Variants in PDIA2 observed in about 807,000 individuals in gnomAD.
PDIA2 encodes protein disulfide-isomerase A2.
A neutral mutation model predicts 51.1 loss-of-function variants in PDIA2; 76 were observed. The ratio of observed to expected loss-of-function variants is 1.49; its 90% CI spans 1.24 to 1.80. PDIA2 has a LOEUF of 1.80. Among genes scored for constraint, PDIA2 ranks in the 40% most tolerant of loss-of-function variants. The pLI is 0.00. For missense variants in PDIA2, 946 were observed against 706.5 expected (o/e 1.34, Z -3.84); for synonymous variants, 429 against 309.9 (o/e 1.38, Z -4.04).
chr16:283,752 G>A (rs546077957), intron 1 of PDIA2, among the ~76,000 whole-genome samples: 26 of 152,360 alleles, frequency 1.7e-4, no homozygotes, highest in African/African-American at 6.0e-4. Flanking sequence ...GTGCCCTGTG[G>A]TCTTTTCGCA....
At chr16:283,728 G>A (rs971548516) in intron 1 of PDIA2, among the ~76,000 whole-genome samples, 9 of 152,248 alleles carry the variant, frequency 5.9e-5, no homozygotes, top group South Asian at 2.1e-4. Context: ...GGCCCATGGA[G>A]GTCCCTGACG....
chr16:285,855 C>T, intron 7 of PDIA2, 152 bp downstream of exon 7: 1 of 904,430 alleles, frequency 1.1e-6, no homozygotes, highest in Non-Finnish European at 1.6e-6. Context: ...CCCGGCGGTT[C>T]TCCCAACCCC....
chr16:284,024 C>A, intron 1 of PDIA2: 1 of 328,768 alleles, frequency 3.0e-6, no homozygotes, highest in East Asian at 7.1e-5. Context: ...GCAACCAATC[C>A]CGGCTAATAT....
intron 1 of PDIA2, 98 bp downstream of exon 1, chr16:283,466 A>C: frequency 7.8e-7 from 1 of 1,280,928 alleles, no homozygotes; most frequent in Non-Finnish European, 1.0e-6. Flanking sequence ...GCATGTGCCC[A>C]AGAGGGGCCT....
In PDIA2 at chr16:284,120, T is replaced by G. The variant is rs1025490372; in HGVS notation, c.200-267T>G. 2.9e-4 allele frequency: 159 copies of G among 542,370 alleles called. 1 individual carries two copies. In the Middle Eastern group the frequency reaches 3.0e-3, roughly 10 times the overall value. 33.6% of individuals were successfully genotyped at this position (542,370 alleles called of 1,614,324 possible). ...CAACCTCAGGTGATATGCCCGCCTC[T>G]GCCTCCCAAAGTGCTGGGATTACTG... On this transcript the variant is annotated intron_variant, in intron 1 of 10. Transcript: ENST00000219406.
At position 286,907 on chromosome 16, in the gene PDIA2, A is replaced by C. The variant is rs370277985; in HGVS notation, c.1495A>C (p.Thr499Pro). The change falls in exon 10 of 11, where the codon ACG becomes CCG. Residue 499 changes from threonine to proline, a missense_variant. Thr to Pro is a conservative substitution (Grantham distance 38, BLOSUM62 -1). Transcript: ENST00000219406. ...KFLDNGGVLP[T>P]EEPPEEPAAP... ...CCTGGACAACGGGGGCGTGCTGCCC[A>C]CGGAGGAGCCCCCGGAGGAGCCAGC... The C allele has an allele frequency of 6.2e-6, 10 of 1,602,052 alleles. 1 individual carries two copies. The highest frequency in any genetic ancestry group is 4.0e-5 in the African/African-American group (3 of 74,212).
rs770860486 is a variant in PDIA2, at chr16:284,445, C to T, written c.258C>T (p.Ala86=). ...CCCCCGAGTACAGCAAGGCAGCTGCCGTGCTCGCGGCCGAGTCAATGGTGG... is the reference window on the plus strand; with the variant it reads ...CCCCCGAGTACAGCAAGGCAGCTGCTGTGCTCGCGGCCGAGTCAATGGTGG... The part of the protein sequence containing the change: ...ALAPEYSKAA[A]VLAAESMVVT... Residue 86 remains alanine (A), a synonymous_variant, in exon 2 of 11, where the codon GCC becomes GCT. Coordinates refer to ENST00000219406, the MANE Select transcript of PDIA2 (RefSeq NM_006849.4). The T allele has an allele frequency of 2.5e-5, 40 of 1,595,134 alleles. No homozygotes were observed. Among genetic ancestry groups the T allele is most frequent in the South Asian group, 1.1e-4 (10 of 88,268 alleles).
Position 284,571 on chromosome 16 carries a change from C to T in PDIA2, c.384C>T (p.Arg128=). ...PTLKFFRNGN[R]THPEEYTGPR... is the part of the protein sequence containing the mutation. ...TCAAGTTCTTCCGCAATGGGAACCG[C>T]ACGCACCCGGAGGAGTACACAGGTG... The change falls in exon 2 of 11, where the codon CGC becomes CGT. Residue 128 remains arginine (R), a synonymous_variant. Transcript: ENST00000219406. 1.2e-6 allele frequency: 2 copies of T among 1,612,584 alleles called. No homozygotes were observed. Among genetic ancestry groups the T allele is most frequent in the Non-Finnish European group, 1.7e-6 (2 of 1,179,746 alleles).
rs746574567 is a variant in PDIA2, at chr16:284,708, G to A, written c.456G>A (p.Gly152=). ...GIAEWLRRRV[G]PSAMRLEDEA... ...CCGAGTGGCTGCGACGGCGGGTGGG[G>A]CCCAGTGCCATGCGGCTGGAGGACG... Residue 152 remains glycine, a synonymous_variant, in exon 3 of 11, where the codon GGG becomes GGA. Transcript: ENST00000219406. 24 of 1,577,504 alleles carry A rather than the reference G, an allele frequency of 1.5e-5. No homozygotes were observed. Among genetic ancestry groups the A allele is most frequent in the Non-Finnish European group, 2.0e-5 (23 of 1,167,022 alleles).
At chr16:285,762 C>A in intron 7 of PDIA2, 59 bp downstream of exon 7, 1 of 1,552,442 alleles carries the variant, frequency 6.4e-7, no homozygotes, top group South Asian at 1.2e-5. Flanking sequence ...ACCAGCTTGG[C>A]AGGGGGTGGG....
chr16:284,365 C>T lies in PDIA2; in HGVS notation c.200-22C>T, dbSNP rs560087996. 114 of 1,536,370 alleles carry T rather than the reference C, an allele frequency of 7.4e-5. 1 individual carries two copies. In the South Asian group the frequency reaches 1.3e-3, roughly 18 times the overall value. ...CTCCTGGGGTTGTGGTGGCCTGGGG[C>T]ACTCACGGCCCCATCCCCCAGATGC... On this transcript the variant is annotated intron_variant, in intron 1 of 10. Transcript: ENST00000219406.
In PDIA2 at chr16:286,352, G is replaced by A; in HGVS notation, c.1120-1G>A. On this transcript the variant is annotated splice_acceptor_variant, in intron 7 of 10. Coordinates refer to ENST00000219406, the MANE Select transcript of PDIA2 (RefSeq NM_006849.4). LOFTEE classifies it high-confidence loss of function. ...AAAGCGCCTGTCCTGGTTTCCCCCA[G>A]CCCTATCTCCTGAGCCAGGAGATAC... is the stretch of plus-strand genomic sequence containing the variant. 6.7e-7 allele frequency: 1 copy of A among 1,481,806 alleles called. No individual in the cohort carries two copies. Among genetic ancestry groups the A allele is most frequent in the South Asian group, 1.1e-5 (1 of 89,026 alleles). 91.8% of individuals were successfully genotyped at this position (1,481,806 alleles called of 1,614,324 possible). A position where few individuals can be genotyped will look rare whatever the true frequency, so the allele number is the denominator to read the frequency against.
In PDIA2 at chr16:283,253, C is replaced by A. The variant is rs745460507; in HGVS notation, c.84C>A (p.Ser28Arg). ...GGGGTCAGGAACAGGGAGCGAGGAGCCCCTCGGAGGAGCCTCCAGAGGAGG... is the reference window on the plus strand; with the variant it reads ...GGGGTCAGGAACAGGGAGCGAGGAGACCCTCGGAGGAGCCTCCAGAGGAGG... ...CPWGQEQGAR[S>R]PSEEPPEEEI... Residue 28 changes from serine (S) to arginine (R), a missense_variant, in exon 1 of 11, where the codon AGC becomes AGA. Ser to Arg is a moderately radical substitution (Grantham distance 110). Coordinates refer to ENST00000219406, the MANE Select transcript of PDIA2 (RefSeq NM_006849.4). The A allele has an allele frequency of 1.6e-5, 25 of 1,610,554 alleles. No homozygotes were observed. Among genetic ancestry groups the A allele is most frequent in the Non-Finnish European group, 2.0e-5 (24 of 1,179,054 alleles).
chr16:287,184 C>G lies in PDIA2; in HGVS notation c.*71C>G. On this transcript the variant is annotated 3_prime_UTR_variant, in exon 11 of 11. Transcript: ENST00000219406. ...CCCTTGGGTACCAGAGGGAGCTGTG[C>G]ATTGTGAATAAAGAGTGAGCTTGGT... The G allele has an allele frequency of 6.3e-7, 1 of 1,583,388 alleles. No individual in the cohort carries two copies. Among genetic ancestry groups the G allele is most frequent in the East Asian group, 2.2e-5 (1 of 44,744 alleles).
Position 284,386 on chromosome 16 carries a change from G to A in PDIA2, c.200-1G>A. ...GGGGCACTCACGGCCCCATCCCCCA[G>A]ATGCCCCGTGGTGTGGGCACTGCCA... On this transcript the variant is annotated splice_acceptor_variant, in intron 1 of 10. Coordinates refer to ENST00000219406, the MANE Select transcript of PDIA2 (RefSeq NM_006849.4). LOFTEE classifies it high-confidence loss of function. The A allele has an allele frequency of 1.9e-6, 3 of 1,551,928 alleles. No homozygotes were observed. Among genetic ancestry groups the A allele is most frequent in the Non-Finnish European group, 2.6e-6 (3 of 1,154,806 alleles).
At chr16:285,909 C>CCCAAACCCAACA (rs2052355712) in intron 7 of PDIA2, among the ~76,000 whole-genome samples, 1 of 95,368 alleles carries the variant, frequency 1.0e-5, no homozygotes, top group Non-Finnish European at 2.1e-5. Flanking sequence ...TTCTCCCAAC[C>CCCAAACCCAACA]CCAACCCCGC....
chr16:284,260 G>T, intron 1 of PDIA2, 127 bp from the exon 2 acceptor site: 2 of 974,424 alleles, frequency 2.1e-6, no homozygotes, highest in East Asian at 2.6e-5. Context: ...ACTGGTGCTC[G>T]GCTTGTCCAC....
At position 284,509 on chromosome 16, in the gene PDIA2, C is replaced by A; in HGVS notation, c.322C>A (p.Leu108Met). 1 of 1,611,898 alleles carries A rather than the reference C, an allele frequency of 6.2e-7. No individual in the cohort carries two copies. Among genetic ancestry groups the A allele is most frequent in the Non-Finnish European group, 8.5e-7 (1 of 1,179,468 alleles). Residue 108 changes from leucine (L) to methionine (M), a missense_variant, in exon 2 of 11, where the codon CTG becomes ATG. Physicochemically the swap from Leu to Met is conservative, Grantham distance 15 (BLOSUM62 2). Coordinates refer to ENST00000219406, the MANE Select transcript of PDIA2 (RefSeq NM_006849.4). Reference protein sequence around the residue: ...AKVDGPAQRELAEEFGVTEYP... With the variant: ...AKVDGPAQREMAEEFGVTEYP... ...GGTGGATGGGCCCGCGCAGCGCGAG[C>A]TGGCTGAGGAGTTTGGTGTGACGGA... is the stretch of plus-strand genomic sequence containing the variant.
Position 286,903 on chromosome 16 carries a change from G to C in PDIA2, c.1491G>C (p.Leu497=). ...AGTTCCTGGACAACGGGGGCGTGCT[G>C]CCCACGGAGGAGCCCCCGGAGGAGC... ...FSKFLDNGGV[L]PTEEPPEEPA... Residue 497 remains leucine, a synonymous_variant, in exon 10 of 11, where the codon CTG becomes CTC. Coordinates refer to ENST00000219406, the MANE Select transcript of PDIA2 (RefSeq NM_006849.4). 6.2e-7 allele frequency: 1 copy of C among 1,601,528 alleles called. No homozygotes were observed. The highest frequency in any genetic ancestry group is 8.5e-7 in the Non-Finnish European group (1 of 1,175,942).
Sources: gnomAD v4.1 joint callset for allele counts (sites outside exome capture counted in the v4.1 genomes callset) on GRCh38, gnomAD v4.1.1 for gene constraint, MANE v1.5 for transcripts, NCBI Gene and HGNC (gene_info 2026-07-23, HGNC 2026-07-21) for gene names.